The following PBX1 variants were observed in gnomAD, a reference collection of about 807,000 sequenced individuals.
PBX1 encodes the protein pre-B-cell leukemia transcription factor 1.
PBX1 carries 6 observed loss-of-function variants against 53.4 expected under a neutral mutation model. That is an observed-to-expected ratio of 0.11 (90% CI 0.06 to 0.22). PBX1 has a LOEUF of 0.22. PBX1 is among the 10% of genes least tolerant of loss of function. PBX1 has a pLI of 1.00. For missense variants in PBX1, 251 were observed against 551.4 expected (o/e 0.46, Z 5.46); for synonymous variants, 204 against 212.3 (o/e 0.96, Z 0.34).
chr1:164,640,842 G>A (rs765497554), intron 2 of PBX1, among the ~76,000 whole-genome samples: 1 of 152,166 alleles, frequency 6.6e-6, no homozygotes, highest in Admixed American at 6.5e-5. Flanking sequence ...ACAGGCATGA[G>A]CCACTGCAGC....
chr1:164,780,483 C>T (rs1457755786), intron 2 of PBX1, among the ~76,000 whole-genome samples: 1 of 152,076 alleles, frequency 6.6e-6, no homozygotes, highest in African/African-American at 2.4e-5. Context: ...AAAGTTAAAC[C>T]CATTTGACCT....
At chr1:164,776,942 G>GGA (rs377054240) in intron 2 of PBX1, among the ~76,000 whole-genome samples, 3,334 of 43,544 alleles carry the variant, frequency 0.077, 858 homozygotes, top group Non-Finnish European at 0.1. Flanking sequence ...TGTGGTGGGA[G>GGA]GAGAGAGAGA....
intron 2 of PBX1, among the ~76,000 whole-genome samples, chr1:164,615,799 A>T (rs1657238908): frequency 6.6e-6 from 1 of 152,206 alleles, no homozygotes; most frequent in African/African-American, 2.4e-5. Context: ...GAACTGTCAC[A>T]AGAGGGGAGG....
intron 2 of PBX1, among the ~76,000 whole-genome samples, chr1:164,732,638 CT>C (rs1308056002): frequency 2.0e-5 from 3 of 152,008 alleles, no homozygotes; most frequent in South Asian, 4.1e-4. Flanking sequence ...ACCTAATACA[CT>C]TTTTTTCTTT....
intron 2 of PBX1, among the ~76,000 whole-genome samples, chr1:164,600,815 CGATCAA>C (rs1205213428): frequency 6.6e-6 from 1 of 152,164 alleles, no homozygotes; most frequent in Non-Finnish European, 1.5e-5. Flanking sequence ...CTGGTCACAC[CGATCAA>C]GATTGATCCA....
At chr1:164,784,048 G>A (rs1668054664) in intron 2 of PBX1, among the ~76,000 whole-genome samples, 1 of 152,210 alleles carries the variant, frequency 6.6e-6, no homozygotes, top group Non-Finnish European at 1.5e-5. Flanking sequence ...TGCTTTTTAT[G>A]TGTAACTAAG....
rs1652910689 is a variant in PBX1 at position 164,559,966 on chromosome 1, G to A, written c.144G>A (p.Gln48=). 1 of 1,535,996 alleles carries A rather than the reference G, an allele frequency of 6.5e-7. No individual in the cohort carries two copies. Among genetic ancestry groups the A allele is most frequent in the African/African-American group, 1.4e-5 (1 of 72,646 alleles). ...AGCAGGACATTGGAGACATTTTACA[G>A]CAAATTATGACCATCACAGACCAGA... The part of the protein sequence containing the change: ...GRKQDIGDIL[Q]QIMTITDQSL... The change falls in exon 1 of 9, where the codon CAG becomes CAA. Residue 48 remains glutamine (Q), a synonymous_variant. Transcript: ENST00000420696.
chr1:164,876,750 G>A (rs1295497105), intron 2 of PBX1, among the ~76,000 whole-genome samples: 1 of 152,146 alleles, frequency 6.6e-6, no homozygotes, highest in African/African-American at 2.4e-5. Context: ...TCTGGAGTGA[G>A]ATCTAGAAGA....
intron 2 of PBX1, among the ~76,000 whole-genome samples, chr1:164,571,907 A>T (rs1321488643): frequency 9.2e-6 from 1 of 108,220 alleles, no homozygotes; most frequent in Non-Finnish European, 1.9e-5. Context: ...ATATATATAT[A>T]TATATATATG....
At chr1:164,867,664 C>T (rs915393775) in intron 2 of PBX1, among the ~76,000 whole-genome samples, 1 of 152,196 alleles carries the variant, frequency 6.6e-6, no homozygotes, top group Non-Finnish European at 1.5e-5. Context: ...AAATAAACCC[C>T]AGAATCAGCC....
chr1:164,623,448 A>G (rs1280276357), intron 2 of PBX1, among the ~76,000 whole-genome samples: 1 of 152,184 alleles, frequency 6.6e-6, no homozygotes, highest in South Asian at 2.1e-4. Context: ...TTGTCTAGGA[A>G]ATTTTTAAAG....
At chr1:164,854,549 T>C (rs1258477366), downstream of PBX1, among the ~76,000 whole-genome samples, 1 of 152,068 alleles carries the variant, frequency 6.6e-6, no homozygotes, top group East Asian at 1.9e-4. Context: ...GGGAGTTCCC[T>C]CTCATTCCTG....
At chr1:164,808,824 AAACATTCT>A (rs1669472914) in intron 5 of PBX1, among the ~76,000 whole-genome samples, 1 of 152,192 alleles carries the variant, frequency 6.6e-6, no homozygotes, top group Middle Eastern at 3.2e-3. Context: ...ATATCCTTGA[AAACATTCT>A]TTCAGATAAA....
At chr1:164,664,675 G>A (rs1345386118) in intron 2 of PBX1, among the ~76,000 whole-genome samples, 1 of 152,162 alleles carries the variant, frequency 6.6e-6, no homozygotes, top group Non-Finnish European at 1.5e-5. Flanking sequence ...AATTCCAAAG[G>A]AAAGAGGCTT....
chr1:164,600,744 G>A (rs1656114513), intron 2 of PBX1, among the ~76,000 whole-genome samples: 1 of 152,170 alleles, frequency 6.6e-6, no homozygotes, highest in East Asian at 1.9e-4. Context: ...TTTATTTACT[G>A]CATTCATTGG....
downstream of PBX1, among the ~76,000 whole-genome samples, chr1:164,856,053 CT>C (rs1270958143): frequency 6.6e-6 from 1 of 152,200 alleles, no homozygotes; most frequent in Non-Finnish European, 1.5e-5. Flanking sequence ...GTGACCTCTG[CT>C]GCTTCCTTCT....
chr1:164,812,206 G>A (rs944379614), intron 6 of PBX1, 57 bp downstream of exon 6: 2 of 1,460,948 alleles, frequency 1.4e-6, no homozygotes, highest in African/African-American at 1.4e-5. Flanking sequence ...TTTTTATACT[G>A]GCTGTTCCTA....
chr1:164,695,344 A>T (rs1345040339), intron 2 of PBX1, among the ~76,000 whole-genome samples: 1 of 152,166 alleles, frequency 6.6e-6, no homozygotes, highest in African/African-American at 2.4e-5. Flanking sequence ...CTACTTCACC[A>T]GGGCTATTTC....
rs149418101 is a variant in PBX1, at chr1:164,730,665, C to G, written c.266-61829C>G. Among the ~76,000 whole-genome samples the G allele has an allele frequency of 4.6e-5, 7 of 152,222 alleles. No individual in the cohort carries two copies. In the East Asian group the frequency reaches 1.4e-3, roughly 30 times the overall value. On this transcript the variant is annotated intron_variant, in intron 2 of 8. Coordinates refer to ENST00000420696, the MANE Select transcript of PBX1 (RefSeq NM_002585.4). ...TAGCACAGCTAAACTGGGATCTCAC[C>G]AGTCTGACAGGGCAACCTCCAAGAT... is the stretch of plus-strand genomic sequence containing the variant.
Sources: allele counts gnomAD v4.1 joint callset (sites outside exome capture counted in the v4.1 genomes callset), GRCh38; gene constraint gnomAD v4.1.1; transcripts MANE v1.5; gene names NCBI Gene and HGNC (gene_info 2026-07-23, HGNC 2026-07-21).